Variants in HNF1B observed in about 807,000 individuals in gnomAD.
The protein encoded by HNF1B is HNF1 homeobox B.
A neutral mutation model predicts 61.7 loss-of-function variants in HNF1B; 8 were observed. The ratio of observed to expected loss-of-function variants is 0.13; its 90% CI spans 0.08 to 0.23. The LOEUF (loss-of-function observed/expected upper bound fraction) is 0.23, where lower values mean the gene tolerates loss of function less well. Ranked by LOEUF, HNF1B falls within the 10% of genes least tolerant of loss-of-function variation. The probability of loss-of-function intolerance (pLI) is 1.00; values close to 1 mark genes in which losing one functional copy is unlikely to be tolerated. For missense variants in HNF1B, 562 were observed against 714.5 expected (o/e 0.79, Z 2.43); for synonymous variants, 314 against 287.7 (o/e 1.09, Z -0.93).
At chr17:37,702,175 A>G (rs1746164739) in intron 6 of HNF1B, among the ~76,000 whole-genome samples, 1 of 152,130 alleles carries the variant, frequency 6.6e-6, no homozygotes, top group South Asian at 2.1e-4. Context: ...TGGGATGAAG[A>G]AGGAATCCAG....
chr17:37,721,670 C>T (rs1179040080), intron 4 of HNF1B, among the ~76,000 whole-genome samples: 1 of 152,048 alleles, frequency 6.6e-6, no homozygotes, highest in Non-Finnish European at 1.5e-5. Flanking sequence ...TCTCCTGCTC[C>T]ATCTGGCCTA....
At chr17:37,742,911 C>T (rs945613870) in intron 1 of HNF1B, among the ~76,000 whole-genome samples, 6 of 151,818 alleles carry the variant, frequency 4.0e-5, no homozygotes, top group Non-Finnish European at 8.8e-5. Context: ...GCGTTTTGAT[C>T]TCCTTCCCCC....
Position 37,700,938 on chromosome 17 carries a change from T to C in HNF1B, c.1534+45A>G, listed in dbSNP as rs893178921. ...CCAGAGAGGGAAAGTGGTTGGCCAC[T>C]GAGGGTCCTGAGTGCTCCCTCCCTC... is the stretch of plus-strand genomic sequence containing the variant. On this transcript the variant is annotated intron_variant, in intron 7 of 8. Coordinates refer to ENST00000617811, the MANE Select transcript of HNF1B (RefSeq NM_000458.4). 1.2e-5 allele frequency: 19 copies of C among 1,523,558 alleles called. No individual in the cohort carries two copies. In the Middle Eastern group the frequency reaches 6.9e-4, roughly 55 times the overall value. 94.4% of individuals were successfully genotyped at this position (1,523,558 alleles called of 1,614,324 possible).
chr17:37,725,875 AG>A (rs550630283), intron 4 of HNF1B, among the ~76,000 whole-genome samples: 17 of 152,358 alleles, frequency 1.1e-4, no homozygotes, highest in African/African-American at 3.8e-4. Flanking sequence ...GGCATTTAGT[AG>A]TCCAGACAGT....
rs1344495930 is a variant in HNF1B at position 37,739,492 on chromosome 17, C to T, written c.492G>A (p.Lys164=). ...LNKGTPMKTQ[K]RAALYTWYVR... ...CGTACCAGGTGTACAGAGCGGCACG[C>T]TTCTGGGTCTTCATAGGGGTGCCCT... is the stretch of plus-strand genomic sequence containing the variant. The change falls in exon 2 of 9, where the codon AAG becomes AAA. Residue 164 remains lysine (K), a synonymous_variant. Coordinates refer to ENST00000617811, the MANE Select transcript of HNF1B (RefSeq NM_000458.4). 2.5e-6 allele frequency: 4 copies of T among 1,614,018 alleles called. No homozygotes were observed. The highest frequency in any genetic ancestry group is 1.7e-6 in the Non-Finnish European group (2 of 1,180,040).
chr17:37,711,747 C>T (rs2032942476), intron 4 of HNF1B, among the ~76,000 whole-genome samples: 1 of 152,188 alleles, frequency 6.6e-6, no homozygotes, highest in South Asian at 2.1e-4. Flanking sequence ...CCTGCAGAGA[C>T]CAAATGCTCT....
At position 37,744,649 on chromosome 17, in the gene HNF1B, C is replaced by A. The variant is rs759636901; in HGVS notation, c.236G>T (p.Gly79Val). ...GTCATAGTCGTCGCCGTCCTCGGAG[C>A]CCTCGTCGCCGGACAAGCGGCCCTT... Reference protein sequence around the residue: ...HAKGRLSGDEGSEDGDDYDTP... With the variant: ...HAKGRLSGDEVSEDGDDYDTP... Residue 79 changes from glycine (G) to valine (V), a missense_variant, in exon 1 of 9, where the codon GGC becomes GTC. By Grantham distance (109) the Gly-to-Val change is moderately radical (BLOSUM62 -3). Transcript: ENST00000617811. The A allele has an allele frequency of 2.5e-6, 4 of 1,612,860 alleles. No individual in the cohort carries two copies. Among genetic ancestry groups the A allele is most frequent in the Non-Finnish European group, 2.5e-6 (3 of 1,180,028 alleles).
chr17:37,718,451 C>T (rs1404765919), intron 4 of HNF1B, among the ~76,000 whole-genome samples: 4 of 152,250 alleles, frequency 2.6e-5, no homozygotes, highest in African/African-American at 9.6e-5. Context: ...GAGTATGTTA[C>T]ACCCATCTGC....
At chr17:37,723,990 G>A (rs906295718) in intron 4 of HNF1B, among the ~76,000 whole-genome samples, 10 of 152,214 alleles carry the variant, frequency 6.6e-5, no homozygotes, top group Non-Finnish European at 5.9e-5. Flanking sequence ...TCCATAGCCT[G>A]TAATTTTGTC....
chr17:37,744,001 G>A (rs539505256), intron 1 of HNF1B, among the ~76,000 whole-genome samples: 3 of 152,386 alleles, frequency 2.0e-5, no homozygotes, highest in Non-Finnish European at 4.4e-5. Flanking sequence ...GCTAACAAGA[G>A]TGCCCACCAG....
intron 1 of HNF1B, among the ~76,000 whole-genome samples, chr17:37,743,183 C>G (rs966041032): frequency 6.6e-6 from 1 of 152,148 alleles, no homozygotes; most frequent in Non-Finnish European, 1.5e-5. Flanking sequence ...GCCCTGTGGC[C>G]CCCGGTGGCC....
intron 2 of HNF1B, among the ~76,000 whole-genome samples, chr17:37,734,093 T>A (rs2033767732): frequency 6.6e-6 from 1 of 152,234 alleles, no homozygotes; most frequent in African/African-American, 2.4e-5. Flanking sequence ...TTATTATTTT[T>A]TCCCCTTTGG....
At chr17:37,708,169 T>C (rs921954746) in intron 5 of HNF1B, among the ~76,000 whole-genome samples, 2 of 152,208 alleles carry the variant, frequency 1.3e-5, no homozygotes, top group Non-Finnish European at 2.9e-5. Context: ...GCATTCCTTT[T>C]TAACCATACT....
intron 4 of HNF1B, among the ~76,000 whole-genome samples, chr17:37,720,047 C>T (rs1031095091): frequency 9.9e-5 from 15 of 152,166 alleles, no homozygotes; most frequent in Non-Finnish European, 1.5e-5. Flanking sequence ...GGAGGCTCGT[C>T]CCAAGCAACA....
intron 4 of HNF1B, among the ~76,000 whole-genome samples, chr17:37,711,293 G>A (rs1424864500): frequency 1.3e-5 from 2 of 152,226 alleles, no homozygotes; most frequent in Admixed American, 1.3e-4. Context: ...CTAGGCTGTA[G>A]AACTCACATT....
intron 8 of HNF1B, among the ~76,000 whole-genome samples, chr17:37,691,660 T>G (rs1173075150): frequency 6.6e-6 from 1 of 152,084 alleles, no homozygotes; most frequent in Non-Finnish European, 1.5e-5. Context: ...GAAAGAGGTA[T>G]CATTATCTTC....
chr17:37,724,410 A>C (rs2033424740), intron 4 of HNF1B, among the ~76,000 whole-genome samples: 1 of 152,098 alleles, frequency 6.6e-6, no homozygotes, highest in Admixed American at 6.6e-5. Flanking sequence ...GGATACTGGG[A>C]TTTTTAAATA....
intron 8 of HNF1B, among the ~76,000 whole-genome samples, chr17:37,688,523 G>A (rs2032068989): frequency 6.6e-6 from 1 of 151,886 alleles, no homozygotes; most frequent in Non-Finnish European, 1.5e-5. Flanking sequence ...TGACAAATTA[G>A]GAAAACAAGG....
intron 4 of HNF1B, chr17:37,729,280 A>G (rs907234236): frequency 6.6e-6 from 1 of 152,098 alleles, no homozygotes; most frequent in African/African-American, 2.4e-5. Flanking sequence ...TGAAAATTAA[A>G]GCAGAAGGGC....
Sources: allele counts gnomAD v4.1 joint callset (sites outside exome capture counted in the v4.1 genomes callset), GRCh38; gene constraint gnomAD v4.1.1; transcripts MANE v1.5; gene names NCBI Gene and HGNC (gene_info 2026-07-23, HGNC 2026-07-21).